DSG3: variants seen among roughly 807,000 people sequenced by gnomAD.
The protein encoded by DSG3 is desmoglein 3, also known as desmoglein-3.
In DSG3, 63 loss-of-function variants were observed where a neutral mutation model predicts 85.9. The ratio of observed to expected loss-of-function variants is 0.73; its 90% CI spans 0.60 to 0.90. DSG3 has a LOEUF of 0.90. Ranked by LOEUF, DSG3 falls within the 40% of genes least tolerant of loss-of-function variation. The pLI, the probability that DSG3 is intolerant of heterozygous loss-of-function variation, is 0.00. For synonymous variants in DSG3, 447 were observed against 441.9 expected (o/e 1.01, Z -0.14); for missense variants, 1,220 against 1,219.9 (o/e 1.00, Z 0.00).
rs1159672915 is a variant in DSG3 at position 31,457,422 on chromosome 18, T to C, written c.216+298T>C. Among the ~76,000 whole-genome samples the C allele has an allele frequency of 3.3e-5, 5 of 152,170 alleles. 1 individual carries two copies. Among genetic ancestry groups the C allele is most frequent in the Non-Finnish European group, 7.4e-5 (5 of 68,026 alleles). ...GCAAACAAATAGGAAAAATAATGCA[T>C]GTATAAGACAGAAATGGTTGGGAGC... On this transcript the variant is annotated intron_variant, in intron 3 of 15. Transcript: ENST00000257189.
At chr18:31,459,699 C>T in intron 5 of DSG3, 146 bp from the exon 6 acceptor site, 2 of 751,418 alleles carry the variant, frequency 2.7e-6, no homozygotes, top group Non-Finnish European at 4.2e-6. Flanking sequence ...AAAGAGGTAT[C>T]ACAAGTGATA....
At chr18:31,471,951 A>G (rs936198409) in intron 12 of DSG3, among the ~76,000 whole-genome samples, 1 of 152,226 alleles carries the variant, frequency 6.6e-6, no homozygotes, top group Non-Finnish European at 1.5e-5. Context: ...GTGCAAATAA[A>G]TGCAATAATC....
In DSG3 at chr18:31,472,326, C is replaced by A; in HGVS notation, c.1940C>A (p.Ser647Tyr). 3 of 1,614,086 alleles carry A rather than the reference C, an allele frequency of 1.9e-6. No individual in the cohort carries two copies. The highest frequency in any genetic ancestry group is 2.5e-6 in the Non-Finnish European group (3 of 1,179,968). The change falls in exon 13 of 16, where the codon TCT becomes TAT. Residue 647 changes from serine to tyrosine, a missense_variant. Ser to Tyr is a moderately radical substitution (Grantham distance 144). Transcript: ENST00000257189. ...TTGACCTGTGACTGTGGGGCAGGTT[C>A]TACTGGGGGAGTGACAGGTGGTTTT... ...LLLTCDCGAG[S>Y]TGGVTGGFIP... is the part of the protein sequence containing the mutation.
intron 13 of DSG3, 136 bp downstream of exon 13, chr18:31,472,559 A>G: frequency 7.9e-7 from 1 of 1,265,298 alleles, no homozygotes; most frequent in Non-Finnish European, 1.1e-6. Context: ...GGAGGCTTTT[A>G]GGATTTTAGC....
At chr18:31,459,328 C>A in intron 5 of DSG3, 151 bp downstream of exon 5, 1 of 773,696 alleles carries the variant, frequency 1.3e-6, no homozygotes, top group Non-Finnish European at 2.0e-6. Context: ...CTGGGTCTTC[C>A]TTTCTAAAAT....
At position 31,469,154 on chromosome 18, in the gene DSG3, C is replaced by T. The variant is rs1568090531; in HGVS notation, c.1702C>T (p.Leu568Phe). 6.2e-7 allele frequency: 1 copy of T among 1,614,216 alleles called. No homozygotes were observed. ...TGGAGTATACCACATCTCCCTGGTA[C>T]TTACAGACAGTCAGAACAATCGGTG... ...PPGVYHISLV[L>F]TDSQNNRCEM... The change falls in exon 12 of 16, where the codon CTT (leucine) becomes TTT (phenylalanine). Residue 568 changes from leucine to phenylalanine, a missense_variant. Leu to Phe is a conservative substitution (Grantham distance 22). Transcript: ENST00000257189.
At chr18:31,450,451 G>A (rs960662785) in intron 1 of DSG3, among the ~76,000 whole-genome samples, 1 of 152,204 alleles carries the variant, frequency 6.6e-6, no homozygotes, top group Admixed American at 6.5e-5. Context: ...TACAAGTGGG[G>A]AGCCACCCAG....
In DSG3 at chr18:31,457,099, A is replaced by T; in HGVS notation, c.191A>T (p.Asn64Ile). The change falls in exon 3 of 16, where the codon AAC (asparagine) becomes ATC (isoleucine). Residue 64 changes from asparagine (N) to isoleucine (I), a missense_variant. By Grantham distance (149) the Asn-to-Ile change is moderately radical. Transcript: ENST00000257189. ...FAKPCREGED[N>I]SKRNPIAKIT... ...AAACCCTGCAGAGAAGGAGAAGATA[A>T]CTCAAAAAGAAACCCAATTGCCAAG... The T allele has an allele frequency of 6.2e-7, 1 of 1,612,306 alleles. No individual in the cohort carries two copies. The highest frequency in any genetic ancestry group is 8.5e-7 in the Non-Finnish European group (1 of 1,179,370).
At chr18:31,471,282 A>C (rs7234137) in intron 12 of DSG3, among the ~76,000 whole-genome samples, 3,052 of 152,298 alleles carry the variant, frequency 0.02, 96 homozygotes, top group African/African-American at 0.07. Context: ...ACCCTAAAAA[A>C]ATAGTATTAA....
At chr18:31,464,420 G>C (rs550250338) in intron 9 of DSG3, 38 bp downstream of exon 9, 1 of 1,561,086 alleles carries the variant, frequency 6.4e-7, no homozygotes, top group South Asian at 1.2e-5. Flanking sequence ...TTCTTGATGA[G>C]GTTTTAATCT....
Position 31,472,353 on chromosome 18 carries a change from T to A in DSG3, c.1967T>A (p.Ile656Asn). 5 of 1,614,200 alleles carry A rather than the reference T, an allele frequency of 3.1e-6. No homozygotes were observed. Among genetic ancestry groups the A allele is most frequent in the Non-Finnish European group, 4.2e-6 (5 of 1,180,028 alleles). The change falls in exon 13 of 16, where the codon ATC (isoleucine) becomes AAC (asparagine). Residue 656 changes from isoleucine (I) to asparagine (N), a missense_variant. By Grantham distance (149) the Ile-to-Asn change is moderately radical. Coordinates refer to ENST00000257189, the MANE Select transcript of DSG3 (RefSeq NM_001944.3). ...GSTGGVTGGF[I>N]PVPDGSEGTI... The stretch of plus-strand genomic sequence containing the variant: ...ACTGGGGGAGTGACAGGTGGTTTTA[T>A]CCCAGTTCCTGATGGCTCAGAAGGA...
rs542577833 is a variant in DSG3 at position 31,466,635 on chromosome 18, C to T, written c.1517C>T (p.Ser506Leu). 220 of 1,614,226 alleles carry T rather than the reference C, an allele frequency of 1.4e-4. 3 individuals carry two copies. In the South Asian group the frequency reaches 2.3e-3, roughly 17 times the overall value. ...VLEKDAVCSS[S>L]PSVVVSARTL... Reference sequence around the variant, plus strand: ...GAAAAAGATGCAGTTTGCAGTTCTTCACCTTCCGTGGTTGTCTCCGCTAGA... The same window carrying T: ...GAAAAAGATGCAGTTTGCAGTTCTTTACCTTCCGTGGTTGTCTCCGCTAGA... Residue 506 changes from serine to leucine, a missense_variant, in exon 11 of 16, where the codon TCA (serine) becomes TTA (leucine). Transcript: ENST00000257189.
intron 11 of DSG3, among the ~76,000 whole-genome samples, chr18:31,468,274 T>C (rs1248146059): frequency 1.3e-5 from 2 of 152,162 alleles, no homozygotes; most frequent in Admixed American, 6.5e-5. Flanking sequence ...GGAAGAGCAC[T>C]TGAGGTAGTA....
chr18:31,460,625 C>T (rs554857290), intron 6 of DSG3, among the ~76,000 whole-genome samples: 3 of 152,152 alleles, frequency 2.0e-5, no homozygotes, highest in African/African-American at 7.2e-5. Context: ...TCTAAGGTTA[C>T]GGTAGAGTAC....
rs771980752 is a variant in DSG3 at position 31,475,952 on chromosome 18, T to A, written c.2692T>A (p.Cys898Ser). Reference protein sequence around the residue: ...IEVQQTGFVKCQTLSGSQGAS... With the variant: ...IEVQQTGFVKSQTLSGSQGAS... ...AGTCCAGCAGACAGGATTTGTTAAG[T>A]GCCAGACTTTGTCAGGAAGTCAAGG... The change falls in exon 16 of 16, where the codon TGC becomes AGC. Residue 898 changes from cysteine to serine, a missense_variant. Physicochemically the swap from Cys to Ser is moderately radical, Grantham distance 112. Coordinates refer to ENST00000257189, the MANE Select transcript of DSG3 (RefSeq NM_001944.3). 1.2e-6 allele frequency: 2 copies of A among 1,614,092 alleles called. No homozygotes were observed. The highest frequency in any genetic ancestry group is 1.7e-6 in the Non-Finnish European group (2 of 1,180,030).
At chr18:31,461,081 A>T in intron 7 of DSG3, 120 bp downstream of exon 7, 1 of 1,268,212 alleles carries the variant, frequency 7.9e-7, no homozygotes, top group East Asian at 2.6e-5. Flanking sequence ...CTTTAAAGAA[A>T]TATGCTTTTT....
intron 1 of DSG3, among the ~76,000 whole-genome samples, chr18:31,455,548 T>C (rs893540951): frequency 6.6e-6 from 1 of 152,210 alleles, no homozygotes; most frequent in South Asian, 2.1e-4. Flanking sequence ...ATATGTGTTG[T>C]ACAAACTCAG....
In DSG3 at chr18:31,461,310, T is replaced by A; in HGVS notation, c.897T>A (p.Asp299Glu). 1 of 1,613,564 alleles carries A rather than the reference T, an allele frequency of 6.2e-7. No individual in the cohort carries two copies. ...QVTDLDEEYT[D>E]NWLAVYFFTS... ...CAGATTTGGATGAAGAGTACACAGA[T>A]AATTGGCTTGCAGTATATTTCTTTA... Residue 299 changes from aspartate to glutamate, a missense_variant, in exon 8 of 16, where the codon GAT (aspartate) becomes GAA (glutamate). By Grantham distance (45) the Asp-to-Glu change is conservative. Coordinates refer to ENST00000257189, the MANE Select transcript of DSG3 (RefSeq NM_001944.3).
chr18:31,470,306 C>G (rs1000648862), intron 12 of DSG3, among the ~76,000 whole-genome samples: 2 of 152,080 alleles, frequency 1.3e-5, no homozygotes, highest in African/African-American at 2.4e-5. Context: ...ACTACACATA[C>G]AACCATCACT....
Sources: gnomAD v4.1 joint callset for allele counts (sites outside exome capture counted in the v4.1 genomes callset) on GRCh38, gnomAD v4.1.1 for gene constraint, MANE v1.5 for transcripts, NCBI Gene and HGNC (gene_info 2026-07-23, HGNC 2026-07-21) for gene names.